Variants in TRAPPC13 observed in about 807,000 individuals in gnomAD.
TRAPPC13 encodes the protein trafficking protein particle complex subunit 13.
TRAPPC13 carries 39 observed loss-of-function variants against 54.0 expected under a neutral mutation model. That is an observed-to-expected ratio of 0.72 (90% CI 0.56 to 0.94). The LOEUF is 0.94. Ranked by LOEUF, TRAPPC13 falls within the 40% of genes least tolerant of loss-of-function variation. TRAPPC13 has a pLI of 0.00. For missense variants in TRAPPC13, 386 were observed against 488.1 expected, an observed-to-expected ratio of 0.79 and a Z score of 1.97; for synonymous variants, 148 against 167.7, an observed-to-expected ratio of 0.88 and a Z score of 0.91.
intron 6 of TRAPPC13, among the ~76,000 whole-genome samples, chr5:65,651,902 C>T (rs1475354608): frequency 4.0e-5 from 4 of 99,908 alleles, no homozygotes; most frequent in Non-Finnish European, 5.4e-5. Context: ...TCACTCTTGT[C>T]GCCTAGGCTG....
intron 11 of TRAPPC13, 61 bp from the exon 12 acceptor site, chr5:65,664,176 T>G (rs1022893923): frequency 6.5e-7 from 1 of 1,529,512 alleles, no homozygotes; most frequent in African/African-American, 1.4e-5. Flanking sequence ...AGTAGAAATA[T>G]TGCAGTACCT....
intron 6 of TRAPPC13, 93 bp downstream of exon 6, chr5:65,650,975 T>C: frequency 3.3e-6 from 3 of 922,104 alleles, no homozygotes; most frequent in Non-Finnish European, 5.1e-6. Context: ...GAAAACAAGC[T>C]CCAAATAAAG....
chr5:65,636,288 C>T (rs1427167317), intron 3 of TRAPPC13, among the ~76,000 whole-genome samples: 2 of 151,820 alleles, frequency 1.3e-5, no homozygotes, highest in African/African-American at 2.4e-5. Context: ...GGATTACAGG[C>T]GTGCGCACCG....
chr5:65,634,701 G>T (rs1320979540), intron 1 of TRAPPC13, among the ~76,000 whole-genome samples: 1 of 151,152 alleles, frequency 6.6e-6, no homozygotes, highest in Non-Finnish European at 1.5e-5. Context: ...GACCAGCCTG[G>T]CCAACATGGT....
chr5:65,633,971 C>T (rs1755644057), intron 1 of TRAPPC13, among the ~76,000 whole-genome samples: 1 of 143,760 alleles, frequency 7.0e-6, no homozygotes, highest in Non-Finnish European at 1.5e-5. Flanking sequence ...AAATATCTCT[C>T]CCAGCGTTTT....
intron 7 of TRAPPC13, 47 bp downstream of exon 7, chr5:65,652,592 G>A (rs7716033): frequency 3.7e-5 from 50 of 1,342,838 alleles, no homozygotes; most frequent in Non-Finnish European, 4.6e-5. Context: ...CATTAAGATC[G>A]TATTTGACTA....
rs993043029 is a variant in TRAPPC13, at chr5:65,650,666, C to T, written c.429-144C>T. 3.3e-5 allele frequency: 20 copies of T among 606,682 alleles called. No homozygotes were observed. In the African/African-American group the frequency reaches 3.5e-4, roughly 11 times the overall value. 37.6% of individuals were successfully genotyped at this position (606,682 alleles called of 1,614,324 possible). On this transcript the variant is annotated intron_variant, in intron 5 of 12. Coordinates refer to ENST00000399438, the MANE Select transcript of TRAPPC13 (RefSeq NM_024941.4). The stretch of plus-strand genomic sequence containing the variant: ...TCATGTAATTATGTCCATATCTATT[C>T]TGACTTTTTCCCCTGCTCTAATCTC...
chr5:65,627,024 C>G (rs1172398881), intron 1 of TRAPPC13, among the ~76,000 whole-genome samples: 1 of 146,520 alleles, frequency 6.8e-6, no homozygotes, highest in East Asian at 2.0e-4. Flanking sequence ...CCCAGCTACT[C>G]GGGAGACTGA....
chr5:65,650,109 C>T (rs1335980913), intron 5 of TRAPPC13, among the ~76,000 whole-genome samples: 1 of 150,032 alleles, frequency 6.7e-6, no homozygotes, highest in African/African-American at 2.5e-5. Flanking sequence ...CTGCCCACCT[C>T]GGCCTCCCAA....
intron 11 of TRAPPC13, 55 bp from the exon 12 acceptor site, chr5:65,664,182 T>C: frequency 1.3e-6 from 2 of 1,554,072 alleles, no homozygotes; most frequent in Non-Finnish European, 8.8e-7. Context: ...AATATTGCAG[T>C]ACCTCTTTGT....
intron 4 of TRAPPC13, among the ~76,000 whole-genome samples, chr5:65,645,924 AT>A (rs34495270): frequency 3.3e-5 from 5 of 150,392 alleles, no homozygotes; most frequent in Admixed American, 1.3e-4. Flanking sequence ...CTTTCCCTCA[AT>A]TTTTTTTTTG....
At chr5:65,645,855 A>C (rs1173864588) in intron 4 of TRAPPC13, among the ~76,000 whole-genome samples, 3 of 152,166 alleles carry the variant, frequency 2.0e-5, no homozygotes, top group Admixed American at 2.0e-4. Context: ...AAAACTTAAA[A>C]GAATCCTAAC....
At position 65,664,866 on chromosome 5, in the gene TRAPPC13, T is replaced by C. The variant is rs2150696976; in HGVS notation, c.*255T>C. ...CATTTTAGATGACCATTGGACTTTG[T>C]TCTCCAAAAGCTGTGTATCTGAGAC... On this transcript the variant is annotated 3_prime_UTR_variant, in exon 13 of 13. Transcript: ENST00000399438. The C allele has an allele frequency of 2.2e-6, 1 of 451,434 alleles. No individual in the cohort carries two copies. Among genetic ancestry groups the C allele is most frequent in the East Asian group, 4.6e-5 (1 of 21,714 alleles). 28.0% of individuals were successfully genotyped at this position (451,434 alleles called of 1,614,324 possible).
intron 4 of TRAPPC13, among the ~76,000 whole-genome samples, chr5:65,638,508 A>G (rs1042009330): frequency 3.6e-4 from 55 of 152,210 alleles, no homozygotes; most frequent in African/African-American, 1.2e-3. Context: ...AGGCAGAGAC[A>G]TAGTGGTACA....
intron 4 of TRAPPC13, among the ~76,000 whole-genome samples, chr5:65,641,780 A>G (rs769314020): frequency 4.3e-4 from 65 of 151,520 alleles, no homozygotes; most frequent in South Asian, 2.1e-4. Context: ...TAGATTACCT[A>G]TTCTTTGAAC....
chr5:65,658,242 A>G, intron 8 of TRAPPC13, 126 bp from the exon 9 acceptor site: 1 of 878,640 alleles, frequency 1.1e-6, no homozygotes, highest in Non-Finnish European at 1.6e-6. Context: ...GGTAACTTTG[A>G]TTTGCAGGCA....
intron 1 of TRAPPC13, among the ~76,000 whole-genome samples, chr5:65,631,721 G>T (rs1043710543): frequency 6.6e-6 from 1 of 152,112 alleles, no homozygotes; most frequent in Non-Finnish European, 1.5e-5. Context: ...GAAGAAAAAA[G>T]TTGCTTTTAA....
In TRAPPC13 at chr5:65,647,066, G is replaced by A. The variant is rs1377160937; in HGVS notation, c.312G>A (p.Gln104=). 2 of 1,537,738 alleles carry A rather than the reference G, an allele frequency of 1.3e-6. No individual in the cohort carries two copies. The highest frequency in any genetic ancestry group is 8.8e-7 in the Non-Finnish European group (1 of 1,141,584). The change falls in exon 5 of 13, where the codon CAG becomes CAA. Residue 104 remains glutamine (Q), a synonymous_variant. Transcript: ENST00000399438. ...AACTTTCTTTCAAGGCTGATCTTCAGACAAGTTCTCAGCGTTTAAATCTTT... is the reference window on the plus strand; with the variant it reads ...AACTTTCTTTCAAGGCTGATCTTCAAACAAGTTCTCAGCGTTTAAATCTTT... ...VKDILVKADL[Q]TSSQRLNLSA...
At chr5:65,645,605 C>A (rs1266001029) in intron 4 of TRAPPC13, among the ~76,000 whole-genome samples, 2 of 152,076 alleles carry the variant, frequency 1.3e-5, no homozygotes, top group Non-Finnish European at 2.9e-5. Context: ...GAGATCAAGA[C>A]CATCCTGGCT....
Sources: gnomAD v4.1 joint callset for allele counts (sites outside exome capture counted in the v4.1 genomes callset) on GRCh38, gnomAD v4.1.1 for gene constraint, MANE v1.5 for transcripts, NCBI Gene and HGNC (gene_info 2026-07-23, HGNC 2026-07-21) for gene names.